The following STON1 variants were observed in gnomAD, a reference collection of about 807,000 sequenced individuals.
STON1 encodes stonin-1.
STON1 carries 79 observed loss-of-function variants against 60.9 expected under a neutral mutation model. The observed-to-expected ratio is 1.30, with a 90% CI of 1.08 to 1.56. The LOEUF is 1.56. STON1 is among the 40% of genes most tolerant of loss of function. The probability of loss-of-function intolerance (pLI) is 0.00; values close to 1 mark genes in which losing one functional copy is unlikely to be tolerated. For synonymous variants in STON1, 363 were observed against 306.9 expected, an observed-to-expected ratio of 1.18 and a Z score of -1.91; for missense variants, 1,166 against 858.9, an observed-to-expected ratio of 1.36 and a Z score of -4.47.
intron 1 of STON1, among the ~76,000 whole-genome samples, chr2:48,574,053 A>G (rs1320883621): frequency 6.6e-6 from 1 of 152,188 alleles, no homozygotes; most frequent in Non-Finnish European, 1.5e-5. Flanking sequence ...TAATAAGCAT[A>G]CAGGGTTTAT....
intron 2 of STON1, among the ~76,000 whole-genome samples, chr2:48,584,910 G>C (rs1240168149): frequency 6.6e-6 from 1 of 152,158 alleles, no homozygotes; most frequent in African/African-American, 2.4e-5. Context: ...GCTATGGGCA[G>C]GATCCTTCAG....
chr2:48,582,246 G>T lies in STON1; in HGVS notation c.1613G>T (p.Gly538Val), dbSNP rs139601940. ...TTGAAGTCTGTAGTGGTTGTCCAGG[G>T]AGCATACGTGGAACTTCAGGCTTTT... is the stretch of plus-strand genomic sequence containing the variant. Reference protein sequence around the residue: ...FSLKSVVVVQGAYVELQAFVN... With the variant: ...FSLKSVVVVQVAYVELQAFVN... The change falls in exon 2 of 4, where the codon GGA becomes GTA. Residue 538 changes from glycine to valine, a missense_variant. Transcript: ENST00000404752. 9.5e-5 allele frequency: 153 copies of T among 1,614,044 alleles called. No homozygotes were observed. Among genetic ancestry groups the T allele is most frequent in the Non-Finnish European group, 1.2e-4 (145 of 1,180,038 alleles).
intron 2 of STON1, 21 bp from the exon 3 acceptor site, chr2:48,591,632 T>C: frequency 6.2e-7 from 1 of 1,610,612 alleles, no homozygotes; most frequent in Non-Finnish European, 8.5e-7. Context: ...ACTTTGACTA[T>C]TTGATTTTTT....
intron 1 of STON1, among the ~76,000 whole-genome samples, chr2:48,577,911 C>A (rs962930267): frequency 6.6e-6 from 1 of 150,938 alleles, no homozygotes; most frequent in African/African-American, 2.4e-5. Flanking sequence ...CCACCGAGCC[C>A]GGCCAAAAAA....
chr2:48,551,874 GAC>G (rs1232832179), intron 1 of STON1, among the ~76,000 whole-genome samples: 1 of 152,242 alleles, frequency 6.6e-6, no homozygotes, highest in African/African-American at 2.4e-5. Flanking sequence ...GACCTGAGGA[GAC>G]ACCCAGCCCA....
At position 48,588,210 on chromosome 2, in the gene STON1, T is replaced by C. The variant is rs539497410; in HGVS notation, c.1931-3443T>C. Among the ~76,000 whole-genome samples the C allele has an allele frequency of 7.9e-5, 12 of 152,330 alleles. No homozygotes were observed. In the South Asian group the frequency reaches 2.1e-3, roughly 26 times the overall value. On this transcript the variant is annotated intron_variant, in intron 2 of 3. Transcript: ENST00000404752. ...ACGCCAATGCATCTGGCCCAAGGAA[T>C]ACGCTTAGAATAGCAGGATCCCAGA...
intron 3 of STON1, among the ~76,000 whole-genome samples, chr2:48,592,682 A>G (rs1674591730): frequency 6.6e-6 from 1 of 151,362 alleles, no homozygotes; most frequent in Non-Finnish European, 1.5e-5. Flanking sequence ...GCTGGTCTCA[A>G]ACTCCCGACC....
intron 2 of STON1, 78 bp from the exon 3 acceptor site, chr2:48,591,575 A>T: frequency 6.5e-7 from 1 of 1,548,994 alleles, no homozygotes; most frequent in Non-Finnish European, 8.7e-7. Flanking sequence ...AAGGAGAGAG[A>T]TGAGTGCCTT....
chr2:48,539,722 C>G (rs1169405437), intron 1 of STON1, among the ~76,000 whole-genome samples: 1 of 152,042 alleles, frequency 6.6e-6, no homozygotes, highest in Non-Finnish European at 1.5e-5. Context: ...ATCAATGGGC[C>G]TCAGCTTTCT....
At position 48,563,860 on chromosome 2, in the gene STON1, A is replaced by AT. The variant is rs879686548; in HGVS notation, c.-47-16715dup. On this transcript the variant is annotated intron_variant, in intron 1 of 3. Coordinates refer to ENST00000404752, the MANE Select transcript of STON1 (RefSeq NM_006873.4). ...AGCCACATGCCACCATGCCTGGCGA[A>AT]TTTTTTTTTTTTAACTTTTAATGGA... 1.3e-3 allele frequency among the ~76,000 whole-genome samples: 197 copies of AT among 146,352 alleles called. 2 individuals are homozygous for AT. Among genetic ancestry groups the AT allele is most frequent in the Non-Finnish European group, 1.2e-3 (82 of 66,034 alleles).
At chr2:48,592,844 G>C (rs1276992948) in intron 3 of STON1, among the ~76,000 whole-genome samples, 1 of 151,358 alleles carries the variant, frequency 6.6e-6, no homozygotes, top group African/African-American at 2.4e-5. Context: ...CAAATTCCTG[G>C]TCTCAAGTGA....
chr2:48,538,382 A>T (rs139669305), intron 1 of STON1, among the ~76,000 whole-genome samples: 1 of 152,322 alleles, frequency 6.6e-6, no homozygotes, highest in African/African-American at 2.4e-5. Flanking sequence ...GTTTTTGGTG[A>T]TTCAGTTTCA....
At chr2:48,554,510 A>G (rs1451069071) in intron 1 of STON1, among the ~76,000 whole-genome samples, 1 of 152,200 alleles carries the variant, frequency 6.6e-6, no homozygotes, top group South Asian at 2.1e-4. Context: ...GGCGTGAGCC[A>G]TTGCGCCCGG....
chr2:48,537,371 T>G (rs576181397), intron 1 of STON1, among the ~76,000 whole-genome samples: 1 of 152,340 alleles, frequency 6.6e-6, no homozygotes, highest in East Asian at 1.9e-4. Flanking sequence ...TTTTCATAAC[T>G]ATATGAGATG....
chr2:48,577,316 C>G (rs1673571960), intron 1 of STON1, among the ~76,000 whole-genome samples: 1 of 151,996 alleles, frequency 6.6e-6, no homozygotes, highest in Non-Finnish European at 1.5e-5. Context: ...GGCGCGGTGG[C>G]TCATCCCTAT....
chr2:48,575,209 CT>C (rs1350388010), intron 1 of STON1, among the ~76,000 whole-genome samples: 1 of 152,198 alleles, frequency 6.6e-6, no homozygotes, highest in Non-Finnish European at 1.5e-5. Context: ...CCTTTTAATA[CT>C]GAATAATATT....
At chr2:48,577,724 T>C (rs941325560) in intron 1 of STON1, among the ~76,000 whole-genome samples, 23 of 148,906 alleles carry the variant, frequency 1.5e-4, no homozygotes, top group Non-Finnish European at 3.0e-4. Context: ...CAAGCGATTC[T>C]CCTGCCTCAG....
At chr2:48,562,392 C>T (rs1326984510) in intron 1 of STON1, among the ~76,000 whole-genome samples, 3 of 152,204 alleles carry the variant, frequency 2.0e-5, no homozygotes, top group African/African-American at 7.2e-5. Flanking sequence ...CCTTGCTGCT[C>T]AGGGATCCTA....
At chr2:48,548,161 T>G (rs1287607192) in intron 1 of STON1, among the ~76,000 whole-genome samples, 1 of 152,244 alleles carries the variant, frequency 6.6e-6, no homozygotes, top group Non-Finnish European at 1.5e-5. Context: ...AGGGCCTTTC[T>G]AGGGACATGA....
Sources: gnomAD v4.1 joint callset for allele counts (sites outside exome capture counted in the v4.1 genomes callset) on GRCh38, gnomAD v4.1.1 for gene constraint, MANE v1.5 for transcripts, NCBI Gene and HGNC (gene_info 2026-07-23, HGNC 2026-07-21) for gene names.